The following CNKSR2 variants were observed in gnomAD, a reference collection of about 807,000 sequenced individuals.
The protein encoded by CNKSR2 is connector enhancer of kinase suppressor of Ras 2, also known as CNK homolog protein 2.
CNKSR2 carries 14 observed loss-of-function variants against 84.4 expected under a neutral mutation model. That is an observed-to-expected ratio of 0.17 (90% CI 0.11 to 0.26). The LOEUF (loss-of-function observed/expected upper bound fraction) is 0.26, where lower values mean the gene tolerates loss of function less well. Ranked by LOEUF, CNKSR2 falls within the 10% of genes least tolerant of loss-of-function variation. The pLI is 1.00. For synonymous variants in CNKSR2, 275 were observed against 277.9 expected (o/e 0.99, Z 0.10); for missense variants, 485 against 771.2 (o/e 0.63, Z 4.40).
At chrX:21,503,105 T>TGG (rs2091576014) in intron 8 of CNKSR2, 1 of 275,826 alleles carries the variant, frequency 3.6e-6, no homozygotes, top group South Asian at 2.4e-4. Context: ...TAAAGGATAT[T>TGG]GTTTGTGGAA....
chrX:21,417,671 T>C (rs2090440437), intron 1 of CNKSR2, among the ~76,000 whole-genome samples: 1 of 111,881 alleles, frequency 8.9e-6, no homozygotes, highest in Non-Finnish European at 1.9e-5. Flanking sequence ...TGCCTCTTTT[T>C]ATAGATTTTG....
intron 1 of CNKSR2, chrX:21,424,132 G>A (rs1213339273): frequency 9.0e-6 from 1 of 111,154 alleles, no homozygotes; most frequent in Non-Finnish European, 1.9e-5. Flanking sequence ...TCTGAAATTG[G>A]TATAACAGCA....
At chrX:21,400,272 A>G (rs1269436810) in intron 1 of CNKSR2, among the ~76,000 whole-genome samples, 1 of 110,655 alleles carries the variant, frequency 9.0e-6, no homozygotes, top group Admixed American at 9.7e-5. Flanking sequence ...TAAAGAGCCC[A>G]AGAATGGGCA....
chrX:21,616,964 C>G (rs1009350096), intron 20 of CNKSR2, among the ~76,000 whole-genome samples: 2 of 112,058 alleles, frequency 1.8e-5, no homozygotes, highest in African/African-American at 6.5e-5. Context: ...TAAGTAATGA[C>G]ATCAGATGTA....
At chrX:21,500,994 A>T (rs2091553644) in intron 7 of CNKSR2, among the ~76,000 whole-genome samples, 1 of 111,871 alleles carries the variant, frequency 8.9e-6, no homozygotes, top group African/African-American at 3.2e-5. Context: ...CAATTTAATT[A>T]TCAAACTTCA....
At position 21,534,020 on chromosome X, in the gene CNKSR2, C is replaced by T. The variant is rs916376658; in HGVS notation, c.1303+1953C>T. 3.3e-4 allele frequency among the ~76,000 whole-genome samples: 36 copies of T among 110,075 alleles called. 1 individual carries two copies. Among genetic ancestry groups the T allele is most frequent in the Admixed American group, 9.7e-5 (1 of 10,281 alleles). ...AGCCATCCTATAGCACCGTAGAATA[C>T]CAGAACTTAACTTCTCTCATGTAGC... On this transcript the variant is annotated intron_variant, in intron 11 of 21. Coordinates refer to ENST00000379510, the MANE Select transcript of CNKSR2 (RefSeq NM_014927.5).
rs1286580033 is a variant in CNKSR2 at position 21,501,281 on chromosome X, A to G, written c.742-239A>G. On this transcript the variant is annotated intron_variant, in intron 7 of 21. Coordinates refer to ENST00000379510, the MANE Select transcript of CNKSR2 (RefSeq NM_014927.5). ...GCATTTCTGTTTGTTGTCATTAGCT[A>G]TGCATAGAATGCAAACTATTTTTTA... Among the ~76,000 whole-genome samples, 9 of 110,255 alleles carry G rather than the reference A, an allele frequency of 8.2e-5. No individual in the cohort carries two copies. The Admixed American group carries it at 8.7e-4, about 11-fold the overall frequency.
intron 11 of CNKSR2, among the ~76,000 whole-genome samples, chrX:21,554,777 A>G (rs2092123602): frequency 9.0e-6 from 1 of 111,404 alleles, no homozygotes. Flanking sequence ...TATTGTGAAT[A>G]GTGCTGCAAT....
chrX:21,526,786 ATTGTTGTTGTTGTTGTTGTTG>A, intron 9 of CNKSR2, 60 bp from the exon 10 acceptor site: 13 of 766,014 alleles, frequency 1.7e-5, no homozygotes, highest in Non-Finnish European at 2.1e-5. Context: ...ACTATGTGTC[ATTGTTGTTGTTGTTGTTGTTG>A]TTGTTGTTGT....
chrX:21,475,446 T>G (rs894675300), intron 5 of CNKSR2, among the ~76,000 whole-genome samples: 3 of 112,052 alleles, frequency 2.7e-5, no homozygotes, highest in Admixed American at 9.5e-5. Flanking sequence ...AGAACATGGC[T>G]GAAATCTTTC....
intron 1 of CNKSR2, among the ~76,000 whole-genome samples, chrX:21,420,314 A>G (rs2090478433): frequency 8.9e-6 from 1 of 112,511 alleles, no homozygotes; most frequent in African/African-American, 3.2e-5. Context: ...CCTCTGGCCC[A>G]GGGCAGGTCC....
chrX:21,512,728 C>T (rs139227216), intron 8 of CNKSR2, among the ~76,000 whole-genome samples: 6 of 110,207 alleles, frequency 5.4e-5, no homozygotes, highest in South Asian at 3.8e-4. Flanking sequence ...TCCAAACTCC[C>T]GACTTTAGAG....
chrX:21,456,574 TTG>T (rs750611086), intron 4 of CNKSR2, among the ~76,000 whole-genome samples: 4 of 111,524 alleles, frequency 3.6e-5, no homozygotes, highest in Non-Finnish European at 5.7e-5. Context: ...TAATATTTCA[TTG>T]TGTGTGTGTA....
chrX:21,592,877 A>G (rs2092429402), intron 15 of CNKSR2: 1 of 108,803 alleles, frequency 9.2e-6, no homozygotes, highest in Non-Finnish European at 1.9e-5. Context: ...TAGTATCTCC[A>G]TGTTTCTCTT....
At chrX:21,533,690 A>T (rs1308648431) in intron 11 of CNKSR2, among the ~76,000 whole-genome samples, 2 of 111,553 alleles carry the variant, frequency 1.8e-5, no homozygotes, top group Non-Finnish European at 3.8e-5. Flanking sequence ...GCCTATAAAT[A>T]CTTGACATCT....
intron 1 of CNKSR2, among the ~76,000 whole-genome samples, chrX:21,384,374 G>T (rs2089940677): frequency 8.9e-6 from 1 of 112,083 alleles, no homozygotes; most frequent in Admixed American, 9.5e-5. Flanking sequence ...AGCCTGCTCT[G>T]TTGCCTTCTA....
intron 13 of CNKSR2, among the ~76,000 whole-genome samples, chrX:21,586,242 A>G (rs1048408823): frequency 4.5e-5 from 5 of 111,976 alleles, no homozygotes; most frequent in African/African-American, 1.6e-4. Context: ...CCAACTGGGA[A>G]GGCAAGCAGA....
chrX:21,585,669 C>T (rs1386904033), intron 13 of CNKSR2, among the ~76,000 whole-genome samples: 3 of 110,726 alleles, frequency 2.7e-5, no homozygotes, highest in African/African-American at 9.9e-5. Flanking sequence ...ATATTAAATC[C>T]ACTCAGTTAG....
chrX:21,435,936 C>T (rs1245945916), intron 3 of CNKSR2, among the ~76,000 whole-genome samples: 1 of 110,921 alleles, frequency 9.0e-6, no homozygotes, highest in African/African-American at 3.3e-5. Context: ...CATTGAAAAC[C>T]TTTTACATAT....
Sources: allele counts gnomAD v4.1 joint callset (sites outside exome capture counted in the v4.1 genomes callset), GRCh38; gene constraint gnomAD v4.1.1; transcripts MANE v1.5; gene names NCBI Gene and HGNC (gene_info 2026-07-23, HGNC 2026-07-21).